Variants in LANCL3 observed in about 807,000 individuals in gnomAD.
LANCL3 encodes lanC-like protein 3.
Under a neutral mutation model 26.5 loss-of-function variants are expected in LANCL3, and 19 were observed. The ratio of observed to expected loss-of-function variants is 0.72; its 90% CI spans 0.50 to 1.05. LANCL3 has a LOEUF of 1.05. LANCL3 is among the 50% of genes least tolerant of loss of function. The pLI is 0.00. For missense variants in LANCL3, 318 were observed against 362.7 expected, an observed-to-expected ratio of 0.88 and a Z score of 1.00; for synonymous variants, 160 against 166.6, an observed-to-expected ratio of 0.96 and a Z score of 0.30.
chrX:37,617,067 CA>C (rs1183407892), intron 1 of LANCL3, among the ~76,000 whole-genome samples: 1 of 84,948 alleles, frequency 1.2e-5, no homozygotes, highest in African/African-American at 4.7e-5. Flanking sequence ...TGTGAATAAT[CA>C]AATCTGATAA....
intron 1 of LANCL3, among the ~76,000 whole-genome samples, chrX:37,575,584 G>A (rs138491385): frequency 0.018 from 2,023 of 112,019 alleles, 64 homozygotes; most frequent in African/African-American, 0.063. Flanking sequence ...TTAAATGAAT[G>A]AATGAATGAA....
At chrX:37,633,777 C>G (rs868975456) in intron 1 of LANCL3, among the ~76,000 whole-genome samples, 2 of 111,518 alleles carry the variant, frequency 1.8e-5, no homozygotes, top group African/African-American at 6.5e-5. Context: ...GCTGTCTGAT[C>G]GTTCCTCTGG....
chrX:37,580,530 T>C (rs1385727916), intron 1 of LANCL3, among the ~76,000 whole-genome samples: 12 of 112,016 alleles, frequency 1.1e-4, no homozygotes, highest in African/African-American at 3.9e-4. Flanking sequence ...TCACCTGGCA[T>C]ACTTATCATT....
rs782264437 is a variant in LANCL3, at chrX:37,572,872, G to T, written c.573+429G>T. On this transcript the variant is annotated intron_variant, in intron 1 of 4. Coordinates refer to ENST00000378619, the MANE Select transcript of LANCL3 (RefSeq NM_001170331.2). ...CTTTTCGGGGCCGATGTGGAGGTAA[G>T]TTGCTTCTGGAGCCCTGGGTCTGTA... 1.7e-3 allele frequency among the ~76,000 whole-genome samples: 187 copies of T among 112,194 alleles called. 1 individual carries two copies. Among genetic ancestry groups the T allele is most frequent in the African/African-American group, 5.9e-3 (182 of 30,841 alleles).
chrX:37,627,512 C>T (rs916574073), intron 1 of LANCL3, among the ~76,000 whole-genome samples: 2 of 111,532 alleles, frequency 1.8e-5, no homozygotes, highest in Non-Finnish European at 1.9e-5. Context: ...CTGGCATCAC[C>T]TGGGGACTTA....
At chrX:37,577,778 C>T (rs181761961) in intron 1 of LANCL3, among the ~76,000 whole-genome samples, 101 of 111,886 alleles carry the variant, frequency 9.0e-4, no homozygotes, top group African/African-American at 3.1e-3. Context: ...CTTAATATGA[C>T]GTATCTATCT....
At chrX:37,670,609 A>G (rs1926658428) in intron 4 of LANCL3, among the ~76,000 whole-genome samples, 1 of 111,259 alleles carries the variant, frequency 9.0e-6, no homozygotes. Context: ...TTTTTTATAA[A>G]CTGAATTTAT....
chrX:37,667,263 A>G lies in LANCL3; in HGVS notation c.896-19A>G. 1.9e-6 allele frequency: 2 copies of G among 1,049,660 alleles called. No individual in the cohort carries two copies. Among genetic ancestry groups the G allele is most frequent in the Non-Finnish European group, 2.5e-6 (2 of 798,367 alleles). 86.5% of individuals were successfully genotyped at this position (1,049,660 alleles called of 1,213,427 possible). A position where few individuals can be genotyped will look rare whatever the true frequency, so the allele number is the denominator to read the frequency against. ...TTAAGTCCTGAAAGTCACCTCTAAT[A>G]TCTTTGATGTTTTCACAGGAATTGC... On this transcript the variant is annotated intron_variant, in intron 3 of 4. Transcript: ENST00000378619.
chrX:37,585,321 G>T (rs1230037341), intron 1 of LANCL3, among the ~76,000 whole-genome samples: 20 of 111,435 alleles, frequency 1.8e-4, no homozygotes, highest in Non-Finnish European at 2.8e-4. Context: ...TCTGCTTGGT[G>T]CAGAGCTGAG....
intron 1 of LANCL3, among the ~76,000 whole-genome samples, chrX:37,620,308 A>C (rs1479133954): frequency 8.9e-6 from 1 of 112,133 alleles, no homozygotes; most frequent in African/African-American, 3.2e-5. Flanking sequence ...GAATGTGGGA[A>C]TCTCCAGAGA....
intron 1 of LANCL3, among the ~76,000 whole-genome samples, chrX:37,593,059 CA>C (rs1320039883): frequency 8.9e-6 from 1 of 111,848 alleles, no homozygotes; most frequent in Admixed American, 9.5e-5. Context: ...AATTATCAAT[CA>C]AGTGTGAAAG....
intron 1 of LANCL3, among the ~76,000 whole-genome samples, chrX:37,639,878 A>G (rs1362045160): frequency 9.0e-6 from 1 of 111,690 alleles, no homozygotes; most frequent in African/African-American, 3.3e-5. Context: ...ATTATGTGCT[A>G]TAGCAGCTGG....
chrX:37,593,144 G>A (rs1287549093), intron 1 of LANCL3, among the ~76,000 whole-genome samples: 1 of 111,334 alleles, frequency 9.0e-6, no homozygotes, highest in African/African-American at 3.3e-5. Context: ...AAGAGGGAAT[G>A]AACCAAAACA....
intron 2 of LANCL3, among the ~76,000 whole-genome samples, chrX:37,659,062 G>C (rs782168244): frequency 2.7e-5 from 3 of 112,589 alleles, no homozygotes; most frequent in Non-Finnish European, 5.6e-5. Flanking sequence ...CAATTACAAA[G>C]TTTTAAAAGA....
At chrX:37,625,774 T>A (rs1556422938) in intron 1 of LANCL3, among the ~76,000 whole-genome samples, 1 of 111,204 alleles carries the variant, frequency 9.0e-6, no homozygotes, top group African/African-American at 3.3e-5. Flanking sequence ...TCTGCAAATT[T>A]GGGCTAGGTA....
chrX:37,640,301 C>A (rs1925830647), intron 1 of LANCL3, among the ~76,000 whole-genome samples: 1 of 111,483 alleles, frequency 9.0e-6, no homozygotes, highest in African/African-American at 3.3e-5. Context: ...GAAGTAGGCA[C>A]TTATTTACAT....
intron 2 of LANCL3, among the ~76,000 whole-genome samples, chrX:37,658,633 GAC>G (rs1372683162): frequency 8.9e-6 from 1 of 111,766 alleles, no homozygotes; most frequent in African/African-American, 3.2e-5. Context: ...AAGTCAAGTT[GAC>G]ACACACAATT....
chrX:37,608,694 G>A (rs1175854988), intron 1 of LANCL3, among the ~76,000 whole-genome samples: 1 of 111,616 alleles, frequency 9.0e-6, no homozygotes, highest in Non-Finnish European at 1.9e-5. Context: ...TGACCCACTG[G>A]GGACAATGAT....
chrX:37,643,536 C>G (rs1209641861), intron 1 of LANCL3, among the ~76,000 whole-genome samples: 2 of 112,088 alleles, frequency 1.8e-5, no homozygotes, highest in Non-Finnish European at 3.8e-5. Context: ...TAGTTCGTAT[C>G]TAGAAACCAG....
Sources: allele counts gnomAD v4.1 joint callset (sites outside exome capture counted in the v4.1 genomes callset), GRCh38; gene constraint gnomAD v4.1.1; transcripts MANE v1.5; gene names NCBI Gene and HGNC (gene_info 2026-07-23, HGNC 2026-07-21).